Variants in NBAS observed in about 807,000 individuals in gnomAD.
The protein encoded by NBAS is NBAS subunit of NRZ tethering complex, also known as NAG/BC035112 fusion.
Under a neutral mutation model 302.5 loss-of-function variants are expected in NBAS, and 219 were observed. The observed-to-expected ratio is 0.72, with a 90% CI of 0.65 to 0.81. The LOEUF (loss-of-function observed/expected upper bound fraction) is 0.81, where lower values mean the gene tolerates loss of function less well. NBAS is among the 30% of genes least tolerant of loss of function. NBAS has a pLI of 0.00. For synonymous variants in NBAS, 1,118 were observed against 1,021.6 expected, an observed-to-expected ratio of 1.09 and a Z score of -1.80; for missense variants, 2,932 against 2,841.6, an observed-to-expected ratio of 1.03 and a Z score of -0.72.
intron 35 of NBAS, among the ~76,000 whole-genome samples, chr2:15,335,592 C>T (rs1055993775): frequency 4.6e-5 from 7 of 152,152 alleles, no homozygotes; most frequent in Non-Finnish European, 7.3e-5. Context: ...TGAAGTTGGA[C>T]ACCTTTCTGC....
chr2:15,415,656 C>T lies in NBAS; in HGVS notation c.2827G>A (p.Glu943Lys), dbSNP rs143012720. Residue 943 changes from glutamate to lysine, a missense_variant, in exon 25 of 52, where the codon GAG becomes AAG. Glu to Lys is a moderately conservative substitution (Grantham distance 56). Transcript: ENST00000281513. ...QWMVPFLHRC[E>K]KQSPGVANEL... Reference sequence around the variant, plus strand: ...TTAGCCACACCAGGCGACTGTTTCTCACAACGATGAAGAAAGGGAACCATC... The same window carrying T: ...TTAGCCACACCAGGCGACTGTTTCTTACAACGATGAAGAAAGGGAACCATC... 2 of 1,614,128 alleles carry T rather than the reference C, an allele frequency of 1.2e-6. No individual in the cohort carries two copies. Among genetic ancestry groups the T allele is most frequent in the South Asian group, 1.1e-5 (1 of 91,082 alleles).
chr2:15,099,086 C>T, the NBAS span, among the ~76,000 whole-genome samples: 7 of 151,996 alleles, frequency 4.6e-5, no homozygotes, highest in African/African-American at 1.7e-4. Flanking sequence ...GCAGGCCTCC[C>T]GAAGTCAGGA....
chr2:15,440,375 C>T (rs577971540), intron 21 of NBAS, among the ~76,000 whole-genome samples: 14 of 152,264 alleles, frequency 9.2e-5, no homozygotes, highest in African/African-American at 2.9e-4. Context: ...CTGCAGACAC[C>T]GCTGCTGATA....
At chr2:15,490,299 TAC>T in intron 11 of NBAS, among the ~76,000 whole-genome samples, 1 of 152,132 alleles carries the variant, frequency 6.6e-6, no homozygotes, top group South Asian at 2.1e-4. Context: ...GTTGAATGAG[TAC>T]ATAGATGAAA....
chr2:15,131,726 T>C, the NBAS span, among the ~76,000 whole-genome samples: 10 of 152,154 alleles, frequency 6.6e-5, no homozygotes, highest in East Asian at 1.7e-3. Flanking sequence ...TGGTAATTTA[T>C]AAAGAAAAGC....
the NBAS span, among the ~76,000 whole-genome samples, chr2:15,043,958 A>G: frequency 3.2e-3 from 485 of 152,238 alleles, no homozygotes; most frequent in African/African-American, 0.01. Context: ...TAACCTTTCT[A>G]TTCCCAAGCA....
At chr2:14,788,984 C>T in the NBAS span, among the ~76,000 whole-genome samples, 867 of 152,350 alleles carry the variant, frequency 5.7e-3, 17 homozygotes, top group Non-Finnish European at 5.0e-3. Context: ...GTGGGCTCCA[C>T]CCAGTTGGAG....
chr2:15,124,051 C>T, the NBAS span, among the ~76,000 whole-genome samples: 1,163 of 152,208 alleles, frequency 7.6e-3, 12 homozygotes, highest in African/African-American at 0.027. Context: ...GAGATATGGA[C>T]GGTGAATTCC....
the NBAS span, among the ~76,000 whole-genome samples, chr2:14,791,803 CATAAATAA>C: frequency 1.2e-3 from 167 of 139,250 alleles, 2 homozygotes; most frequent in South Asian, 2.4e-3. Context: ...GACTCCATCT[CATAAATAA>C]ATAAATAAAT....
chr2:14,929,916 C>G, the NBAS span, among the ~76,000 whole-genome samples: 3 of 152,078 alleles, frequency 2.0e-5, no homozygotes, highest in Non-Finnish European at 2.9e-5. Flanking sequence ...CAGATTTCCC[C>G]CTTGCTGTTC....
At chr2:14,901,017 T>C in the NBAS span, among the ~76,000 whole-genome samples, 1 of 152,194 alleles carries the variant, frequency 6.6e-6, no homozygotes, top group Admixed American at 6.5e-5. Flanking sequence ...ACTGACAGCC[T>C]TGGGGTCTAT....
the NBAS span, among the ~76,000 whole-genome samples, chr2:14,976,656 T>C: frequency 1.3e-5 from 2 of 152,130 alleles, no homozygotes; most frequent in African/African-American, 2.4e-5. Context: ...TTGAAAAAAG[T>C]TTTTTCTACA....
intron 45 of NBAS, among the ~76,000 whole-genome samples, chr2:15,237,332 G>A (rs909262890): frequency 2.0e-5 from 3 of 151,832 alleles, no homozygotes; most frequent in African/African-American, 4.8e-5. Flanking sequence ...CACAGGTAGG[G>A]AACCCCAAAC....
At chr2:15,118,053 G>A in the NBAS span, among the ~76,000 whole-genome samples, 2 of 152,140 alleles carry the variant, frequency 1.3e-5, no homozygotes, top group Non-Finnish European at 2.9e-5. Context: ...TTTATTAACA[G>A]GAAAAAAGAA....
intron 11 of NBAS, among the ~76,000 whole-genome samples, chr2:15,491,307 T>C (rs540152872): frequency 3.9e-5 from 6 of 152,336 alleles, no homozygotes; most frequent in African/African-American, 1.4e-4. Flanking sequence ...CATCCTCATC[T>C]CTGAAGACAG....
At chr2:15,281,670 A>T (rs1669831357) in intron 42 of NBAS, among the ~76,000 whole-genome samples, 1 of 152,220 alleles carries the variant, frequency 6.6e-6, no homozygotes, top group Admixed American at 6.5e-5. Context: ...AAGAGATAAA[A>T]CAACTTGTCT....
At chr2:15,415,274 A>G (rs146369958) in intron 25 of NBAS, among the ~76,000 whole-genome samples, 30 of 152,380 alleles carry the variant, frequency 2.0e-4, no homozygotes, top group Non-Finnish European at 4.1e-4. Context: ...GAAGAATTCA[A>G]TACTTGCCAA....
In NBAS at chr2:15,212,239, AC is replaced by A. The variant is rs925836123; in HGVS notation, c.6432+6533del. On this transcript the variant is annotated intron_variant, in intron 48 of 51. Coordinates refer to ENST00000281513, the MANE Select transcript of NBAS (RefSeq NM_015909.4). ...TTCCAACTGGCATCCCTCCAGCCAG[AC>A]CTCTCCAGTCCACTGTTCATGCAGA... Among the ~76,000 whole-genome samples the A allele has an allele frequency of 8.9e-4, 136 of 152,074 alleles. 2 individuals carry two copies. Among genetic ancestry groups the A allele is most frequent in the Admixed American group, 7.6e-3 (116 of 15,276 alleles).
At chr2:15,007,755 G>C in the NBAS span, among the ~76,000 whole-genome samples, 1 of 152,140 alleles carries the variant, frequency 6.6e-6, no homozygotes. Flanking sequence ...GATAGTAAAG[G>C]CTAAAGACCA....
Sources: gnomAD v4.1 joint callset for allele counts (sites outside exome capture counted in the v4.1 genomes callset) on GRCh38, gnomAD v4.1.1 for gene constraint, MANE v1.5 for transcripts, NCBI Gene and HGNC (gene_info 2026-07-23, HGNC 2026-07-21) for gene names.